NRXN3: variants seen among roughly 807,000 people sequenced by gnomAD.
NRXN3 encodes the protein neurexin 3.
In NRXN3, 32 loss-of-function variants were observed where a neutral mutation model predicts 137.6. That is an observed-to-expected ratio of 0.23 (90% confidence interval 0.18 to 0.31). NRXN3 has a LOEUF of 0.31. Among genes scored for constraint, NRXN3 ranks in the 10% least tolerant of loss-of-function variants. The pLI is 1.00. For synonymous variants in NRXN3, 798 were observed against 784.5 expected (o/e 1.02, Z -0.29); for missense variants, 1,574 against 2,062.5 (o/e 0.76, Z 4.59).
At chr14:78,621,353 G>T (rs938025837) in intron 4 of NRXN3, among the ~76,000 whole-genome samples, 1 of 152,088 alleles carries the variant, frequency 6.6e-6, no homozygotes, top group Non-Finnish European at 1.5e-5. Context: ...ATACCATGTA[G>T]GTTGAGAGGA....
At chr14:79,548,656 C>A (rs958753092) in intron 16 of NRXN3, among the ~76,000 whole-genome samples, 2 of 151,634 alleles carry the variant, frequency 1.3e-5, no homozygotes, top group African/African-American at 4.8e-5. Flanking sequence ...TCTACCAAGC[C>A]GCAAATTTCT....
At chr14:79,458,707 T>G (rs1009966362) in intron 15 of NRXN3, among the ~76,000 whole-genome samples, 1 of 152,206 alleles carries the variant, frequency 6.6e-6, no homozygotes, top group African/African-American at 2.4e-5. Flanking sequence ...TATTTTGTTT[T>G]GCTATATAAG....
intron 19 of NRXN3, among the ~76,000 whole-genome samples, chr14:79,801,429 T>C: frequency 6.6e-6 from 1 of 152,176 alleles, no homozygotes; most frequent in Non-Finnish European, 1.5e-5. Flanking sequence ...ACCAAATTTA[T>C]TTAAATTAGG....
At chr14:78,665,489 C>G (rs114552072) in intron 6 of NRXN3, among the ~76,000 whole-genome samples, 1,630 of 152,254 alleles carry the variant, frequency 0.011, 26 homozygotes, top group African/African-American at 0.036. Flanking sequence ...TACCTCCCAC[C>G]GGGTTCCTCT....
chr14:78,508,476 T>C (rs2192417), intron 4 of NRXN3, among the ~76,000 whole-genome samples: 57,913 of 151,986 alleles, frequency 0.38, 11,288 homozygotes, highest in East Asian at 0.47. Context: ...TCTCACTTTT[T>C]GAAGTGTTTT....
At chr14:79,305,270 C>CATT (rs985630480) in intron 15 of NRXN3, among the ~76,000 whole-genome samples, 1 of 152,002 alleles carries the variant, frequency 6.6e-6, no homozygotes, top group Non-Finnish European at 1.5e-5. Flanking sequence ...AAATGCCAGT[C>CATT]ATTATTATTA....
At chr14:78,251,860 G>A (rs1205824953) in intron 2 of NRXN3, among the ~76,000 whole-genome samples, 3 of 152,172 alleles carry the variant, frequency 2.0e-5, no homozygotes, top group Admixed American at 6.5e-5. Context: ...GTTTGCTGTG[G>A]CTCACAAGGT....
chr14:79,769,355 G>A (rs1163013304), intron 19 of NRXN3, among the ~76,000 whole-genome samples: 18 of 151,636 alleles, frequency 1.2e-4, no homozygotes, highest in Non-Finnish European at 4.4e-5. Context: ...AGGAAAAAAT[G>A]TTAAGGGCAG....
chr14:79,293,973 T>C (rs1465439624), intron 15 of NRXN3, among the ~76,000 whole-genome samples: 1 of 152,240 alleles, frequency 6.6e-6, no homozygotes, highest in Non-Finnish European at 1.5e-5. Context: ...CTTGCTTTCT[T>C]TTTAATCAAG....
intron 15 of NRXN3, among the ~76,000 whole-genome samples, chr14:79,089,814 A>G (rs770735127): frequency 1.1e-4 from 16 of 152,274 alleles, no homozygotes; most frequent in Admixed American, 2.0e-4. Flanking sequence ...TGAAAGAAAC[A>G]CAGAAAATTC....
At chr14:79,776,623 C>A (rs926615486) in intron 19 of NRXN3, among the ~76,000 whole-genome samples, 1 of 152,192 alleles carries the variant, frequency 6.6e-6, no homozygotes, top group African/African-American at 2.4e-5. Flanking sequence ...GAGGACTGAG[C>A]TCTCTATAGA....
intron 9 of NRXN3, among the ~76,000 whole-genome samples, chr14:78,806,254 C>T (rs958111871): frequency 6.6e-6 from 1 of 152,136 alleles, no homozygotes; most frequent in Admixed American, 6.5e-5. Context: ...TCCAACCTGA[C>T]ATGGAAAACT....
intron 15 of NRXN3, among the ~76,000 whole-genome samples, chr14:79,069,238 A>G (rs890497565): frequency 3.9e-5 from 6 of 152,120 alleles, no homozygotes; most frequent in African/African-American, 1.4e-4. Flanking sequence ...CTTTTCTATC[A>G]TTGGCTTCCT....
intron 15 of NRXN3, among the ~76,000 whole-genome samples, chr14:79,263,698 A>C (rs2077991270): frequency 2.0e-5 from 3 of 152,242 alleles, no homozygotes; most frequent in African/African-American, 4.8e-5. Context: ...GAAGTTCTTT[A>C]AAAATATAAA....
intron 4 of NRXN3, among the ~76,000 whole-genome samples, chr14:78,357,537 G>A (rs1381889973): frequency 6.6e-6 from 1 of 152,158 alleles, no homozygotes; most frequent in African/African-American, 2.4e-5. Context: ...TGAATTTCTG[G>A]TTGTGGGACT....
chr14:79,792,116 G>T (rs1223560723), intron 19 of NRXN3, among the ~76,000 whole-genome samples: 1 of 152,030 alleles, frequency 6.6e-6, no homozygotes, highest in African/African-American at 2.4e-5. Flanking sequence ...TGTCTTTTGG[G>T]TTCTCTGAGC....
intron 15 of NRXN3, among the ~76,000 whole-genome samples, chr14:79,133,795 G>T (rs756304238): frequency 1.1e-4 from 16 of 152,052 alleles, no homozygotes; most frequent in Non-Finnish European, 1.5e-4. Context: ...TGGGCGTGGT[G>T]GTGGGCGCCT....
At chr14:79,673,950 C>A (rs987390989) in intron 17 of NRXN3, among the ~76,000 whole-genome samples, 1 of 152,024 alleles carries the variant, frequency 6.6e-6, no homozygotes, top group African/African-American at 2.4e-5. Flanking sequence ...GGAACTGAAG[C>A]CTGTATGTCT....
At chr14:79,844,048 C>G (rs1052663146) in intron 20 of NRXN3, among the ~76,000 whole-genome samples, 10 of 152,136 alleles carry the variant, frequency 6.6e-5, no homozygotes, top group African/African-American at 2.2e-4. Flanking sequence ...TGGCCTCGCA[C>G]TCCATCCAAG....
Sources: gnomAD v4.1 joint callset for allele counts (sites outside exome capture counted in the v4.1 genomes callset) on GRCh38, gnomAD v4.1.1 for gene constraint, MANE v1.5 for transcripts, NCBI Gene and HGNC (gene_info 2026-07-23, HGNC 2026-07-21) for gene names.